AGBL4: variants seen among roughly 807,000 people sequenced by gnomAD.
AGBL4 encodes cytosolic carboxypeptidase 6.
AGBL4 carries 58 observed loss-of-function variants against 66.4 expected under a neutral mutation model. The ratio of observed to expected loss-of-function variants is 0.87; its 90% CI spans 0.71 to 1.09. AGBL4 has a LOEUF of 1.09. AGBL4 is among the 50% of genes least tolerant of loss of function. The pLI is 0.00. For missense variants in AGBL4, 579 were observed against 631.0 expected (o/e 0.92, Z 0.88); for synonymous variants, 234 against 222.9 (o/e 1.05, Z -0.44).
chr1:48,612,813 T>C (rs1348977667), intron 9 of AGBL4, among the ~76,000 whole-genome samples: 1 of 152,226 alleles, frequency 6.6e-6, no homozygotes, highest in Non-Finnish European at 1.5e-5. Context: ...GACTTTTTTT[T>C]CCCCTAAAAG....
intron 3 of AGBL4, among the ~76,000 whole-genome samples, chr1:49,535,699 G>GT (rs1651518810): frequency 6.6e-6 from 1 of 151,646 alleles, no homozygotes; most frequent in South Asian, 2.1e-4. Context: ...GGTTTTTTTT[G>GT]TTTGTTTTTT....
At chr1:49,653,455 T>G (rs1646050749) in intron 3 of AGBL4, among the ~76,000 whole-genome samples, 1 of 151,944 alleles carries the variant, frequency 6.6e-6, no homozygotes, top group Non-Finnish European at 1.5e-5. Flanking sequence ...GGCACAGAAC[T>G]GCGCTAAGGC....
Position 49,560,242 on chromosome 1 carries a change from A to T in AGBL4, c.282+137071T>A, listed in dbSNP as rs544783959. Among the ~76,000 whole-genome samples, 51 of 152,296 alleles carry T rather than the reference A, an allele frequency of 3.3e-4. 2 individuals carry two copies. The South Asian group carries it at 9.7e-3, about 29-fold the overall frequency. On this transcript the variant is annotated intron_variant, in intron 3 of 13. Transcript: ENST00000371839. Reference sequence around the variant, plus strand: ...AATCCAAGATAACACGGAGAAAAAAATCAGAATTTCATCAGATAAACTAAA... The same window carrying T: ...AATCCAAGATAACACGGAGAAAAAATTCAGAATTTCATCAGATAAACTAAA...
intron 1 of AGBL4, among the ~76,000 whole-genome samples, chr1:49,964,190 C>A (rs1413785668): frequency 3.3e-5 from 5 of 152,072 alleles, no homozygotes; most frequent in African/African-American, 1.2e-4. Flanking sequence ...AGATAGATAT[C>A]ATCTACATAT....
intron 3 of AGBL4, among the ~76,000 whole-genome samples, chr1:49,426,146 T>A (rs1183552262): frequency 6.6e-6 from 1 of 152,222 alleles, no homozygotes; most frequent in Non-Finnish European, 1.5e-5. Flanking sequence ...TTGAAATATT[T>A]ATGGAATAAA....
chr1:49,502,360 C>T (rs1648245640), intron 3 of AGBL4, among the ~76,000 whole-genome samples: 1 of 152,090 alleles, frequency 6.6e-6, no homozygotes, highest in South Asian at 2.1e-4. Flanking sequence ...ATATATTCAT[C>T]TATCCTATTA....
Position 49,167,853 on chromosome 1 carries a change from T to C in AGBL4, c.377+77917A>G, listed in dbSNP as rs552501959. On this transcript the variant is annotated intron_variant, in intron 4 of 13. Transcript: ENST00000371839. ...GTACTTTATTTTGTTTTGTCTACAG[T>C]TGGTTCTCTGCAGGTTCTGCATCCA... Among the ~76,000 whole-genome samples, 14 of 152,308 alleles carry C rather than the reference T, an allele frequency of 9.2e-5. No homozygotes were observed. The East Asian group carries it at 2.5e-3, about 27-fold the overall frequency.
chr1:48,786,760 C>T (rs535627750), intron 6 of AGBL4, among the ~76,000 whole-genome samples: 1 of 152,128 alleles, frequency 6.6e-6, no homozygotes, highest in Non-Finnish European at 1.5e-5. Flanking sequence ...GCATTAGAAC[C>T]TGTTGGTAAT....
intron 11 of AGBL4, among the ~76,000 whole-genome samples, chr1:48,558,041 G>C (rs1644346362): frequency 6.6e-6 from 1 of 152,134 alleles, no homozygotes; most frequent in African/African-American, 2.4e-5. Flanking sequence ...AGATAAGTGG[G>C]TCATCCACCA....
intron 1 of AGBL4, among the ~76,000 whole-genome samples, chr1:49,955,877 T>C (rs1241906313): frequency 2.0e-5 from 3 of 151,874 alleles, no homozygotes; most frequent in African/African-American, 4.8e-5. Context: ...GATAGAATAA[T>C]ATTCCATAAT....
intron 3 of AGBL4, among the ~76,000 whole-genome samples, chr1:49,639,800 C>A (rs1645746199): frequency 6.6e-6 from 1 of 151,810 alleles, no homozygotes. Context: ...GCAATTTTGC[C>A]GGATGAAATC....
chr1:49,364,950 G>C (rs545391890), intron 3 of AGBL4, among the ~76,000 whole-genome samples: 1 of 152,196 alleles, frequency 6.6e-6, no homozygotes, highest in Non-Finnish European at 1.5e-5. Flanking sequence ...TGAGATGGTT[G>C]TAAGTTCATG....
intron 4 of AGBL4, among the ~76,000 whole-genome samples, chr1:49,095,186 G>A (rs1248896054): frequency 1.3e-5 from 2 of 152,096 alleles, no homozygotes; most frequent in African/African-American, 2.4e-5. Context: ...AATAAAAGAG[G>A]ATACAAACAA....
intron 4 of AGBL4, among the ~76,000 whole-genome samples, chr1:49,233,493 A>G (rs932902732): frequency 1.3e-5 from 2 of 152,182 alleles, no homozygotes; most frequent in African/African-American, 2.4e-5. Context: ...CAGAACTGGT[A>G]CTCAGATTGA....
intron 6 of AGBL4, among the ~76,000 whole-genome samples, chr1:48,712,140 A>G (rs1347734033): frequency 6.6e-6 from 1 of 152,164 alleles, no homozygotes; most frequent in African/African-American, 2.4e-5. Flanking sequence ...CCCCCCAGGA[A>G]GGGGCCCATT....
intron 4 of AGBL4, among the ~76,000 whole-genome samples, chr1:49,074,348 C>T (rs768624947): frequency 7.9e-5 from 12 of 152,172 alleles, no homozygotes; most frequent in Non-Finnish European, 1.5e-4. Flanking sequence ...TTGCACTTCC[C>T]GGGTGAGGCG....
At chr1:48,717,179 TTTTTGGTTTA>T (rs1570338766) in intron 6 of AGBL4, among the ~76,000 whole-genome samples, 5 of 152,222 alleles carry the variant, frequency 3.3e-5, no homozygotes. Context: ...TTCTGGCCTC[TTTTTGGTTTA>T]TTTGTCTTAA....
intron 3 of AGBL4, among the ~76,000 whole-genome samples, chr1:49,570,839 G>A (rs1411294299): frequency 1.3e-5 from 2 of 151,900 alleles, no homozygotes; most frequent in African/African-American, 4.8e-5. Context: ...TGATTTACTA[G>A]GGTGTCCTTT....
rs1162704146 is a variant in AGBL4, at chr1:49,845,677, T to C, written c.157+5719A>G. The C allele has an allele frequency of 7.5e-6, 12 of 1,604,570 alleles. No individual in the cohort carries two copies. The East Asian group carries it at 2.0e-4, about 27-fold the overall frequency. The stretch of plus-strand genomic sequence containing the variant: ...AGAAAAGCCCTGTGAGTGCAGTGAG[T>C]CTGGGAAAGCCTTCAGCCAGAGCAC... On this transcript the variant is annotated intron_variant, in intron 2 of 13. Coordinates refer to ENST00000371839, the MANE Select transcript of AGBL4 (RefSeq NM_032785.4).
Sources: gnomAD v4.1 joint callset for allele counts (sites outside exome capture counted in the v4.1 genomes callset) on GRCh38, gnomAD v4.1.1 for gene constraint, MANE v1.5 for transcripts, NCBI Gene and HGNC (gene_info 2026-07-23, HGNC 2026-07-21) for gene names.